CIB4: variants seen among roughly 807,000 people sequenced by gnomAD.
CIB4 encodes calcium and integrin binding family member 4, also known as calcium and integrin-binding family member 4.
Under a neutral mutation model 25.8 loss-of-function variants are expected in CIB4, and 25 were observed. The ratio of observed to expected loss-of-function variants is 0.97; its 90% CI spans 0.71 to 1.35. CIB4 has a LOEUF of 1.35. Ranked by LOEUF, CIB4 falls within the 40% of genes most tolerant of loss-of-function variation. The probability of loss-of-function intolerance (pLI) is 0.00; values close to 1 mark genes in which losing one functional copy is unlikely to be tolerated. For synonymous variants in CIB4, 75 were observed against 81.4 expected, an observed-to-expected ratio of 0.92 and a Z score of 0.42; for missense variants, 235 against 228.2, an observed-to-expected ratio of 1.03 and a Z score of -0.19.
At chr2:26,623,459 C>T (rs1669242233) in intron 3 of CIB4, 4 of 460,032 alleles carry the variant, frequency 8.7e-6, no homozygotes, top group South Asian at 1.6e-5. Flanking sequence ...GACTTTTCAT[C>T]GCTTTCAGCC....
intron 2 of CIB4, among the ~76,000 whole-genome samples, chr2:26,639,791 G>A (rs528261868): frequency 6.6e-6 from 1 of 152,094 alleles, no homozygotes; most frequent in Admixed American, 6.5e-5. Flanking sequence ...GGGAGGGTTA[G>A]TCCAAGCAAA....
intron 2 of CIB4, among the ~76,000 whole-genome samples, chr2:26,639,130 G>C (rs1217083891): frequency 6.6e-6 from 1 of 152,040 alleles, no homozygotes. Context: ...TGAGGGAAAA[G>C]GACTGGGAGG....
At chr2:26,602,983 A>G (rs544114332) in intron 3 of CIB4, among the ~76,000 whole-genome samples, 18 of 142,600 alleles carry the variant, frequency 1.3e-4, no homozygotes, top group Non-Finnish European at 2.4e-4. Flanking sequence ...TGAGCCCAGA[A>G]GTCCAAGGCT....
chr2:26,595,068 C>T, intron 4 of CIB4, 108 bp downstream of exon 4: 2 of 1,098,604 alleles, frequency 1.8e-6, no homozygotes, highest in Non-Finnish European at 1.3e-6. Flanking sequence ...GATACCCAAG[C>T]ACACCCCAGT....
intron 3 of CIB4, among the ~76,000 whole-genome samples, chr2:26,616,560 G>T (rs576801440): frequency 1.3e-5 from 2 of 152,212 alleles, no homozygotes; most frequent in Non-Finnish European, 2.9e-5. Flanking sequence ...ACAGGAGCCC[G>T]AGAAGCTGGG....
chr2:26,605,382 G>T, intron 3 of CIB4: 1 of 377,340 alleles, frequency 2.7e-6, no homozygotes. Flanking sequence ...GTGGATGGTG[G>T]AACCCATTCC....
chr2:26,595,382 C>T, intron 3 of CIB4, 65 bp from the exon 4 acceptor site: 1 of 1,543,714 alleles, frequency 6.5e-7, no homozygotes, highest in Non-Finnish European at 8.9e-7. Flanking sequence ...CCCTGGGTCT[C>T]TCTCATCTAT....
chr2:26,609,700 C>T (rs1437882101), intron 3 of CIB4, among the ~76,000 whole-genome samples: 1 of 152,030 alleles, frequency 6.6e-6, no homozygotes, highest in Non-Finnish European at 1.5e-5. Flanking sequence ...CGGGAAGGTC[C>T]CAGGCGCAAC....
At chr2:26,608,905 A>T (rs115449943) in intron 3 of CIB4, among the ~76,000 whole-genome samples, 1 of 151,966 alleles carries the variant, frequency 6.6e-6, no homozygotes, top group African/African-American at 2.4e-5. Context: ...CTCGTCGCTC[A>T]TGGTCACTTC....
chr2:26,601,495 C>T (rs944772720), intron 3 of CIB4, among the ~76,000 whole-genome samples: 4 of 151,700 alleles, frequency 2.6e-5, no homozygotes, highest in Admixed American at 6.6e-5. Context: ...CTTTATAATC[C>T]TACCTCACAC....
intron 3 of CIB4, among the ~76,000 whole-genome samples, chr2:26,596,271 G>T (rs1001116744): frequency 6.6e-6 from 1 of 152,124 alleles, no homozygotes; most frequent in Non-Finnish European, 1.5e-5. Context: ...TCATCGAGGG[G>T]GGTGGCTGCT....
intron 6 of CIB4, among the ~76,000 whole-genome samples, chr2:26,581,828 C>A (rs1013564966): frequency 6.6e-6 from 1 of 152,204 alleles, no homozygotes; most frequent in East Asian, 1.9e-4. Flanking sequence ...CTCATCCAGG[C>A]AGTCAGAAGA....
At chr2:26,610,347 C>T (rs906785461) in intron 3 of CIB4, among the ~76,000 whole-genome samples, 22 of 152,230 alleles carry the variant, frequency 1.4e-4, no homozygotes, top group Non-Finnish European at 2.8e-4. Context: ...ACTGCAGCCT[C>T]CTCTCACCAA....
At chr2:26,587,017 G>C (rs971497891) in intron 4 of CIB4, among the ~76,000 whole-genome samples, 5 of 152,040 alleles carry the variant, frequency 3.3e-5, no homozygotes, top group African/African-American at 1.2e-4. Context: ...GGCCCGGCAC[G>C]GTGGATTACA....
At chr2:26,629,387 C>A in intron 3 of CIB4, 23 bp downstream of exon 3, 1 of 1,511,568 alleles carries the variant, frequency 6.6e-7, no homozygotes, top group South Asian at 1.2e-5. Flanking sequence ...CTGCCCTTGC[C>A]CCACCCACCA....
chr2:26,601,228 AAAAATATATATATATATAT>A lies in CIB4; in HGVS notation c.187-5930_187-5912del, dbSNP rs1301384917. 1.0e-4 allele frequency among the ~76,000 whole-genome samples: 8 copies of A among 79,764 alleles called. 1 individual carries two copies. Among genetic ancestry groups the A allele is most frequent in the Non-Finnish European group, 1.9e-4 (8 of 42,166 alleles). The allele number at this position is 79,764 out of a possible 152,430, so 52.3% of individuals were successfully genotyped here. On this transcript the variant is annotated intron_variant, in intron 3 of 6. Coordinates refer to ENST00000288861, the MANE Select transcript of CIB4 (RefSeq NM_001029881.3). ...GAGTGAGACCATGTCAAAAAAAAAA[AAAAATATATATATATATAT>A]ATATATATATATATATATATATGCA...
At chr2:26,598,589 G>T (rs1457207422) in intron 3 of CIB4, among the ~76,000 whole-genome samples, 1 of 152,174 alleles carries the variant, frequency 6.6e-6, no homozygotes, top group East Asian at 1.9e-4. Context: ...CAGGGCTAGG[G>T]CCGAGCTCAC....
Position 26,582,821 on chromosome 2 carries a change from T to G in CIB4, c.527+4A>C. ...ACAGTCTCACCCCCTCCAGAATGCC[T>G]TACTTCATGAAATCTGGAGACTTGG... is the stretch of plus-strand genomic sequence containing the variant. On this transcript the variant is annotated splice_donor_region_variant and intron_variant, in intron 6 of 6. Transcript: ENST00000288861. The G allele has an allele frequency of 5.0e-6, 8 of 1,601,726 alleles. No homozygotes were observed. The highest frequency in any genetic ancestry group is 6.8e-6 in the Non-Finnish European group (8 of 1,168,904).
intron 3 of CIB4, among the ~76,000 whole-genome samples, chr2:26,628,810 A>G (rs1458890176): frequency 3.9e-5 from 6 of 152,132 alleles, no homozygotes; most frequent in African/African-American, 1.4e-4. Context: ...AGGCAGCCTG[A>G]GGAGAAGAGA....
Sources: gnomAD v4.1 joint callset for allele counts (sites outside exome capture counted in the v4.1 genomes callset) on GRCh38, gnomAD v4.1.1 for gene constraint, MANE v1.5 for transcripts, NCBI Gene and HGNC (gene_info 2026-07-23, HGNC 2026-07-21) for gene names.